Variants in SYNM observed in about 807,000 individuals in gnomAD.
The protein encoded by SYNM is synemin, also known as desmuslin.
SYNM carries 95 observed loss-of-function variants against 104.0 expected under a neutral mutation model. The observed-to-expected ratio is 0.91, with a 90% CI of 0.77 to 1.08. SYNM has a LOEUF of 1.08. Among genes scored for constraint, SYNM ranks in the 50% least tolerant of loss-of-function variants. The pLI, the probability that SYNM is intolerant of heterozygous loss-of-function variation, is 0.00. For synonymous variants in SYNM, 918 were observed against 869.0 expected (o/e 1.06, Z -0.99); for missense variants, 2,150 against 2,052.2 (o/e 1.05, Z -0.92).
Position 99,130,967 on chromosome 15 carries a change from C to A in SYNM, c.2607C>A (p.Ile869=). Residue 869 remains isoleucine, a synonymous_variant, in exon 4 of 4, where the codon ATC becomes ATA. Coordinates refer to ENST00000336292, the MANE Select transcript of SYNM (RefSeq NM_145728.3). ...TCAGGTACTCTTGGCAGGATGAAATCGTGCAGGGGACTCGAAGGAGGACAC... is the reference window on the plus strand; with the variant it reads ...TCAGGTACTCTTGGCAGGATGAAATAGTGCAGGGGACTCGAAGGAGGACAC... ...STIRYSWQDE[I]VQGTRRRTQK... The A allele has an allele frequency of 6.2e-7, 1 of 1,613,724 alleles. No individual in the cohort carries two copies. Among genetic ancestry groups the A allele is most frequent in the Non-Finnish European group, 8.5e-7 (1 of 1,179,814 alleles).
Position 99,130,809 on chromosome 15 carries a change from G to A in SYNM, c.2449G>A (p.Glu817Lys). 1 of 1,614,010 alleles carries A rather than the reference G, an allele frequency of 6.2e-7. No homozygotes were observed. Among genetic ancestry groups the A allele is most frequent in the Non-Finnish European group, 8.5e-7 (1 of 1,179,890 alleles). The change falls in exon 4 of 4, where the codon GAA becomes AAA. Residue 817 changes from glutamate to lysine, a missense_variant. Transcript: ENST00000336292. ...QPQENTTHVE[E>K]VTEAGDSEGE... ...TCAGGAGAACACGACTCACGTGGAA[G>A]AAGTGACAGAGGCAGGTGATTCAGA... is the stretch of plus-strand genomic sequence containing the variant.
At chr15:99,123,143 G>A (rs2067416620) in intron 2 of SYNM, among the ~76,000 whole-genome samples, 1 of 152,152 alleles carries the variant, frequency 6.6e-6, no homozygotes, top group Admixed American at 6.5e-5. Flanking sequence ...TTCAGAAATA[G>A]GGAAACTGAG....
chr15:99,106,044 C>T, intron 1 of SYNM, 35 bp downstream of exon 1: 1 of 1,407,262 alleles, frequency 7.1e-7, no homozygotes, highest in Non-Finnish European at 9.2e-7. Context: ...GACCCCATAC[C>T]CGCTGCCGTC....
chr15:99,121,345 G>T (rs1300428419), intron 2 of SYNM, among the ~76,000 whole-genome samples: 1 of 152,062 alleles, frequency 6.6e-6, no homozygotes, highest in African/African-American at 2.4e-5. Context: ...GGGTGGATGG[G>T]GTGTCTGGGT....
chr15:99,125,506 G>C (rs1318867731), intron 2 of SYNM, among the ~76,000 whole-genome samples: 1 of 152,254 alleles, frequency 6.6e-6, no homozygotes. Context: ...GGGCAGGCCC[G>C]CTGTGTGCGC....
chr15:99,129,152 A>C, intron 3 of SYNM: 1 of 609,396 alleles, frequency 1.6e-6, no homozygotes, highest in Non-Finnish European at 2.8e-6. Flanking sequence ...GTTAGGCTGA[A>C]GTATTTGTAG....
intron 1 of SYNM, among the ~76,000 whole-genome samples, chr15:99,111,979 G>A (rs1334716352): frequency 6.6e-6 from 1 of 152,232 alleles, no homozygotes; most frequent in Admixed American, 6.5e-5. Context: ...AACCTGGGAG[G>A]TGGAGGCTGC....
At position 99,132,580 on chromosome 15, in the gene SYNM, G is replaced by A; in HGVS notation, c.4220G>A (p.Gly1407Asp). The A allele has an allele frequency of 6.2e-7, 1 of 1,614,024 alleles. No individual in the cohort carries two copies. The highest frequency in any genetic ancestry group is 8.5e-7 in the Non-Finnish European group (1 of 1,179,898). ...AGATCCTTTAGGCACATTCGACTAG[G>A]TCCTACAGAAACGGAAACCTCTGAA... is the stretch of plus-strand genomic sequence containing the variant. Reference protein sequence around the residue: ...VSRSFRHIRLGPTETETSEHI... With the variant: ...VSRSFRHIRLDPTETETSEHI... Residue 1407 changes from glycine to aspartate, a missense_variant, in exon 4 of 4, where the codon GGT (glycine) becomes GAT (aspartate). Coordinates refer to ENST00000336292, the MANE Select transcript of SYNM (RefSeq NM_145728.3).
intron 2 of SYNM, among the ~76,000 whole-genome samples, chr15:99,123,001 GGAGGATGTA>G (rs1167517158): frequency 2.0e-4 from 31 of 152,208 alleles, no homozygotes; most frequent in African/African-American, 7.0e-4. Context: ...AGTTTTCTTT[GGAGGATGTA>G]GAAGGAGGTG....
At chr15:99,121,117 T>C (rs912379096) in intron 2 of SYNM, among the ~76,000 whole-genome samples, 6 of 151,932 alleles carry the variant, frequency 3.9e-5, no homozygotes, top group Non-Finnish European at 5.9e-5. Flanking sequence ...GAGCTCCGGG[T>C]GGGCAAGTTT....
intron 2 of SYNM, among the ~76,000 whole-genome samples, chr15:99,120,393 G>C (rs149262781): frequency 7.2e-5 from 11 of 152,148 alleles, no homozygotes; most frequent in African/African-American, 2.7e-4. Flanking sequence ...TTTTGGAAAG[G>C]GTTTTCCAGG....
Position 99,105,728 on chromosome 15 carries a change from C to T in SYNM, c.529C>T (p.Pro177Ser). Reference sequence around the variant, plus strand: ...CCGCGCCACCGGCCCCGCCGCGCCGCCGCCACGCCTGCGGGAGGTGCACGA... The same window carrying T: ...CCGCGCCACCGGCCCCGCCGCGCCGTCGCCACGCCTGCGGGAGGTGCACGA... The part of the protein sequence containing the change: ...RARATGPAAP[P>S]PRLREVHDSY... Residue 177 changes from proline to serine, a missense_variant, in exon 1 of 4, where the codon CCG becomes TCG. Physicochemically the swap from Pro to Ser is moderately conservative, Grantham distance 74. Coordinates refer to ENST00000336292, the MANE Select transcript of SYNM (RefSeq NM_145728.3). 3 of 1,503,220 alleles carry T rather than the reference C, an allele frequency of 2.0e-6. No homozygotes were observed. The East Asian group carries it at 8.3e-5, about 42-fold the overall frequency. 93.1% of individuals were successfully genotyped at this position (1,503,220 alleles called of 1,614,324 possible).
rs1233832426 is a variant in SYNM, at chr15:99,131,786, T to G, written c.3426T>G (p.Tyr1142Ter). ...TCTGGAGGACTGAGCGAATGTCATA[T>G]GAAGGACCCACTGCAGAAGTGGTGG... The part of the protein sequence containing the change: ...SEVWRTERMS[Y>*]EGPTAEVVEV... The change falls in exon 4 of 4, where the codon TAT becomes TAG. Residue 1142 changes from tyrosine to a stop codon, truncating the protein, a stop_gained. Coordinates refer to ENST00000336292, the MANE Select transcript of SYNM (RefSeq NM_145728.3). LOFTEE classifies it high-confidence loss of function. The surrounding 1 kb of genome is among the most constrained non-coding windows in gnomAD (Gnocchi z 4.3). 2 of 1,613,842 alleles carry G rather than the reference T, an allele frequency of 1.2e-6. No homozygotes were observed. The highest frequency in any genetic ancestry group is 1.7e-5 in the Admixed American group (1 of 60,010).
Position 99,133,085 on chromosome 15 carries a change from C to T in SYNM, c.*27C>T, listed in dbSNP as rs535980196. 4.4e-6 allele frequency: 7 copies of T among 1,606,812 alleles called. No homozygotes were observed. In the Admixed American group the frequency reaches 5.0e-5, roughly 12 times the overall value. ...AAGCAGAAACATTTTGTTTTAATGGCAGCCTGTTGGCGACGTGCCAACATC... is the reference window on the plus strand; with the variant it reads ...AAGCAGAAACATTTTGTTTTAATGGTAGCCTGTTGGCGACGTGCCAACATC... On this transcript the variant is annotated 3_prime_UTR_variant, in exon 4 of 4. Transcript: ENST00000336292.
Position 99,132,055 on chromosome 15 carries a change from A to T in SYNM, c.3695A>T (p.Lys1232Met), listed in dbSNP as rs1555486030. ...TFGCRQFHAE[K>M]EIIFQGPISA... ...GGCTGCAGACAATTTCATGCTGAAA[A>T]GGAGATTATTTTTCAGGGCCCCATT... is the stretch of plus-strand genomic sequence containing the variant. The change falls in exon 4 of 4, where the codon AAG becomes ATG. Residue 1232 changes from lysine (K) to methionine (M), a missense_variant. Coordinates refer to ENST00000336292, the MANE Select transcript of SYNM (RefSeq NM_145728.3). 1 of 1,613,976 alleles carries T rather than the reference A, an allele frequency of 6.2e-7. No individual in the cohort carries two copies.
chr15:99,105,175 G>A lies in SYNM; in HGVS notation c.-25G>A. 1.3e-6 allele frequency: 2 copies of A among 1,565,140 alleles called. No homozygotes were observed. Among genetic ancestry groups the A allele is most frequent in the Admixed American group, 1.8e-5 (1 of 54,186 alleles). ...CAGGGCAGGAGGGAGCCGGCCAGCCGCGAGAACCCCGCACGCCCGGCAAGA... is the reference window on the plus strand; with the variant it reads ...CAGGGCAGGAGGGAGCCGGCCAGCCACGAGAACCCCGCACGCCCGGCAAGA... On this transcript the variant is annotated 5_prime_UTR_variant, in exon 1 of 4. Transcript: ENST00000336292.
rs2067522222 is a variant in SYNM at position 99,132,562 on chromosome 15, T to G, written c.4202T>G (p.Phe1401Cys). Residue 1401 changes from phenylalanine to cysteine, a missense_variant, in exon 4 of 4, where the codon TTT becomes TGT. Transcript: ENST00000336292. ...ATGACATCGGGTGTTAGCAGATCCT[T>G]TAGGCACATTCGACTAGGTCCTACA... ...AEMTSGVSRS[F>C]RHIRLGPTET... is the part of the protein sequence containing the mutation. The G allele has an allele frequency of 1.1e-5, 17 of 1,613,964 alleles. 1 individual carries two copies. In the African/African-American group the frequency reaches 1.5e-4, roughly 14 times the overall value.
chr15:99,116,085 A>G (rs1396188519), intron 2 of SYNM, among the ~76,000 whole-genome samples: 2 of 152,252 alleles, frequency 1.3e-5, no homozygotes, highest in African/African-American at 4.8e-5. Flanking sequence ...TCCTGGGGCT[A>G]AGGCCATGAG....
At chr15:99,107,938 TGTTTTTTGTTTTG>T (rs1567273464) in intron 1 of SYNM, among the ~76,000 whole-genome samples, 8 of 126,396 alleles carry the variant, frequency 6.3e-5, no homozygotes, top group African/African-American at 2.7e-4. Context: ...TTTTTTTTTT[TGTTTTTTGTTTTG>T]TTTTTTTTTT....
Sources: allele counts gnomAD v4.1 joint callset (sites outside exome capture counted in the v4.1 genomes callset), GRCh38; gene constraint gnomAD v4.1.1; non-coding constraint Gnocchi (gnomAD v3.1); transcripts MANE v1.5; gene names NCBI Gene and HGNC (gene_info 2026-07-23, HGNC 2026-07-21).